Variants in SAMD13 observed in about 807,000 individuals in gnomAD.
The protein encoded by SAMD13 is sterile alpha motif domain containing 13.
SAMD13 carries 9 observed loss-of-function variants against 12.4 expected under a neutral mutation model. The ratio of observed to expected loss-of-function variants is 0.72; its 90% CI spans 0.44 to 1.26. The LOEUF (loss-of-function observed/expected upper bound fraction) is 1.26, where lower values mean the gene tolerates loss of function less well. SAMD13 is among the 50% of genes most tolerant of loss of function. The pLI is 0.00. For synonymous variants in SAMD13, 46 were observed against 45.4 expected (o/e 1.01, Z -0.05); for missense variants, 84 against 119.6 (o/e 0.70, Z 1.39).
At position 84,325,626 on chromosome 1, in the gene SAMD13, G is replaced by T; in HGVS notation, c.54-11G>T. The T allele has an allele frequency of 6.5e-7, 1 of 1,534,156 alleles. No individual in the cohort carries two copies. The highest frequency in any genetic ancestry group is 9.0e-7 in the Non-Finnish European group (1 of 1,107,674). On this transcript the variant is annotated splice_polypyrimidine_tract_variant and intron_variant, in intron 2 of 3. Transcript: ENST00000394834. ...ACTGCCATGACAACTGTCTGGATTT[G>T]TGTTTTGCAGTTCCATGGAAAATGG...
rs1051234320 is a variant in SAMD13 at position 84,327,942 on chromosome 1, T to A, written c.165+2194T>A. 3.9e-5 allele frequency among the ~76,000 whole-genome samples: 6 copies of A among 152,198 alleles called. No homozygotes were observed. In the East Asian group the frequency reaches 1.2e-3, roughly 29 times the overall value. ...TCAGCTGGAACATATTTTATTTTGTTTTTCACTGGTACAATGTCCATTTGT... is the reference window on the plus strand; with the variant it reads ...TCAGCTGGAACATATTTTATTTTGTATTTCACTGGTACAATGTCCATTTGT... On this transcript the variant is annotated intron_variant, in intron 3 of 3. Coordinates refer to ENST00000394834, the MANE Select transcript of SAMD13 (RefSeq NM_001134663.2).
At chr1:84,331,050 T>C (rs1020297522) in intron 3 of SAMD13, among the ~76,000 whole-genome samples, 1 of 152,188 alleles carries the variant, frequency 6.6e-6, no homozygotes, top group African/African-American at 2.4e-5. Flanking sequence ...TCTTTACAGA[T>C]GACTTATTGC....
intron 3 of SAMD13, among the ~76,000 whole-genome samples, chr1:84,344,178 A>G (rs1226441521): frequency 6.6e-6 from 1 of 152,066 alleles, no homozygotes; most frequent in African/African-American, 2.4e-5. Flanking sequence ...TGAAAGCATT[A>G]GCCCTTACAG....
At chr1:84,336,143 C>T (rs944008401) in intron 3 of SAMD13, among the ~76,000 whole-genome samples, 15 of 152,300 alleles carry the variant, frequency 9.8e-5, no homozygotes, top group East Asian at 5.8e-4. Flanking sequence ...AATGTATTTT[C>T]GAAGTTGCTT....
chr1:84,303,492 C>T (rs1572686993), intron 2 of SAMD13: 1 of 449,378 alleles, frequency 2.2e-6, no homozygotes, highest in East Asian at 4.2e-5. Context: ...ACTCAGACAT[C>T]AAAATATATA....
chr1:84,336,461 A>G (rs1679291688), intron 3 of SAMD13, among the ~76,000 whole-genome samples: 1 of 152,200 alleles, frequency 6.6e-6, no homozygotes, highest in Admixed American at 6.5e-5. Flanking sequence ...TCTTATGTGG[A>G]TGGCAGCAGG....
At chr1:84,346,512 T>C (rs1174952597) in intron 3 of SAMD13, among the ~76,000 whole-genome samples, 1 of 152,222 alleles carries the variant, frequency 6.6e-6, no homozygotes, top group East Asian at 1.9e-4. Flanking sequence ...GACTTCATCA[T>C]GATGTACATG....
Position 84,304,672 on chromosome 1 carries a change from G to C in SAMD13, c.53+1385G>C, listed in dbSNP as rs316624. ...TAATCTCTCCCTCCTGTCCTTTTCT[G>C]CCCCCATATCCCCTGGCAACCACTG... is the stretch of plus-strand genomic sequence containing the variant. On this transcript the variant is annotated intron_variant, in intron 2 of 3. Coordinates refer to ENST00000394834, the MANE Select transcript of SAMD13 (RefSeq NM_001134663.2). 4.7e-3 allele frequency among the ~76,000 whole-genome samples: 705 copies of C among 151,382 alleles called. 2 individuals are homozygous for C. Among genetic ancestry groups the C allele is most frequent in the African/African-American group, 0.016 (678 of 41,220 alleles).
intron 2 of SAMD13, among the ~76,000 whole-genome samples, chr1:84,324,130 C>T (rs891879636): frequency 4.6e-5 from 7 of 152,214 alleles, no homozygotes; most frequent in Non-Finnish European, 7.3e-5. Context: ...CCCTAGTCTA[C>T]GCATGATCTC....
chr1:84,344,502 C>A (rs1467792018), intron 3 of SAMD13, among the ~76,000 whole-genome samples: 1 of 152,114 alleles, frequency 6.6e-6, no homozygotes, highest in Non-Finnish European at 1.5e-5. Context: ...TGTGAAGGAT[C>A]CATACAACAA....
intron 2 of SAMD13, among the ~76,000 whole-genome samples, chr1:84,322,591 T>G (rs1288640950): frequency 6.6e-6 from 1 of 152,104 alleles, no homozygotes. Context: ...TGAAGATAGG[T>G]TTTTCTTCTC....
chr1:84,338,262 TA>T lies in SAMD13; in HGVS notation c.166-11368del, dbSNP rs545876851. ...CTATTTCACACTGCTGATAAAGACATATCCAAGACTGGGCAATGTACCAAAG... is the reference window on the plus strand; with the variant it reads ...CTATTTCACACTGCTGATAAAGACATTCCAAGACTGGGCAATGTACCAAAG... On this transcript the variant is annotated intron_variant, in intron 3 of 3. Transcript: ENST00000394834. 1.1e-3 allele frequency among the ~76,000 whole-genome samples: 174 copies of T among 152,186 alleles called. 1 individual carries two copies. The highest frequency in any genetic ancestry group is 1.9e-3 in the Non-Finnish European group (126 of 68,004).
chr1:84,300,039 C>A (rs1301108419), upstream of SAMD13, among the ~76,000 whole-genome samples: 1 of 152,180 alleles, frequency 6.6e-6, no homozygotes, highest in Admixed American at 6.5e-5. Flanking sequence ...CTGAGCAGCA[C>A]TGTCAGGACA....
At position 84,331,354 on chromosome 1, in the gene SAMD13, A is replaced by AAAAAAAAAC. The variant is rs553761794; in HGVS notation, c.165+5610_165+5611insAAAACAAAA. Among the ~76,000 whole-genome samples the AAAAAAAAAC allele has an allele frequency of 4.6e-4, 38 of 82,434 alleles. 4 individuals carry two copies. The highest frequency in any genetic ancestry group is 7.7e-4 in the East Asian group (2 of 2,598). The allele number at this position is 82,434 out of a possible 152,430, so 54.1% of individuals were successfully genotyped here. ...AAAAAAAAAAAAAAAAAAAAAAAAA[A>AAAAAAAAAC]AAAATTATGGATACAAACTTGTTAA... On this transcript the variant is annotated intron_variant, in intron 3 of 3. Coordinates refer to ENST00000394834, the MANE Select transcript of SAMD13 (RefSeq NM_001134663.2).
rs544085710 is a variant in SAMD13, at chr1:84,350,347, C to G, written c.*573C>G. 4 of 152,070 alleles carry G rather than the reference C, an allele frequency of 2.6e-5. No individual in the cohort carries two copies. Among genetic ancestry groups the G allele is most frequent in the Non-Finnish European group, 5.9e-5 (4 of 68,024 alleles). The allele number at this position is 152,070 out of a possible 1,614,324, so 9.4% of individuals were successfully genotyped here. On this transcript the variant is annotated 3_prime_UTR_variant, in exon 4 of 4. Coordinates refer to ENST00000394834, the MANE Select transcript of SAMD13 (RefSeq NM_001134663.2). ...GTTTGAAATGAACATGCATCATGGC[C>G]CCTTCAGGAGCAGAATCATAGCTCT...
upstream of SAMD13, among the ~76,000 whole-genome samples, chr1:84,300,736 C>A (rs78295381): frequency 4.8e-3 from 726 of 152,198 alleles, 5 homozygotes; most frequent in African/African-American, 0.017. Context: ...TGGTTTAAGC[C>A]AAGCAAGGGA....
intron 2 of SAMD13, among the ~76,000 whole-genome samples, chr1:84,321,888 G>A (rs1015548968): frequency 6.6e-6 from 1 of 152,108 alleles, no homozygotes; most frequent in African/African-American, 2.4e-5. Flanking sequence ...GAAACCACTG[G>A]AAGAGCCCAG....
At chr1:84,333,809 A>T (rs1195296601) in intron 3 of SAMD13, among the ~76,000 whole-genome samples, 1 of 152,044 alleles carries the variant, frequency 6.6e-6, no homozygotes, top group Non-Finnish European at 1.5e-5. Context: ...TATTGAGATG[A>T]CCTTGTGGCT....
rs557167571 is a variant in SAMD13, at chr1:84,302,845, T to A, written c.-32-358T>A. Reference sequence around the variant, plus strand: ...GGGAGGGGGGCAGGAAAAGGGGGATTGTTTTTCTCTACTTTGACTCATTTA... The same window carrying A: ...GGGAGGGGGGCAGGAAAAGGGGGATAGTTTTTCTCTACTTTGACTCATTTA... On this transcript the variant is annotated intron_variant, in intron 1 of 3. Coordinates refer to ENST00000394834, the MANE Select transcript of SAMD13 (RefSeq NM_001134663.2). Among the ~76,000 whole-genome samples, 29 of 151,788 alleles carry A rather than the reference T, an allele frequency of 1.9e-4. No homozygotes were observed. The South Asian group carries it at 5.4e-3, about 28-fold the overall frequency.
Sources: gnomAD v4.1 joint callset for allele counts (sites outside exome capture counted in the v4.1 genomes callset) on GRCh38, gnomAD v4.1.1 for gene constraint, MANE v1.5 for transcripts, NCBI Gene and HGNC (gene_info 2026-07-23, HGNC 2026-07-21) for gene names.